The following TNNI3K variants were observed in gnomAD, a reference collection of about 807,000 sequenced individuals.
TNNI3K encodes TNNI3 interacting kinase.
A neutral mutation model predicts 114.5 loss-of-function variants in TNNI3K; 140 were observed. That is an observed-to-expected ratio of 1.22 (90% CI 1.07 to 1.41). The LOEUF is 1.41. TNNI3K is among the 40% of genes most tolerant of loss of function. The pLI, the probability that TNNI3K is intolerant of heterozygous loss-of-function variation, is 0.00. For synonymous variants in TNNI3K, 347 were observed against 347.5 expected, an observed-to-expected ratio of 1.00 and a Z score of 0.02; for missense variants, 1,125 against 1,007.6, an observed-to-expected ratio of 1.12 and a Z score of -1.58.
At chr1:74,417,326 T>C (rs1665166101) in intron 17 of TNNI3K, among the ~76,000 whole-genome samples, 2 of 152,104 alleles carry the variant, frequency 1.3e-5, no homozygotes, top group African/African-American at 4.8e-5. Context: ...TTCATGCTGC[T>C]TCCCGTCAGT....
At chr1:74,471,880 T>C in intron 21 of TNNI3K, 1 of 455,462 alleles carries the variant, frequency 2.2e-6, no homozygotes, top group Non-Finnish European at 3.9e-6. Flanking sequence ...ATCTTCAAAT[T>C]GCTCACAGGG....
At chr1:74,256,033 C>T (rs1483916209) in intron 4 of TNNI3K, among the ~76,000 whole-genome samples, 1 of 152,122 alleles carries the variant, frequency 6.6e-6, no homozygotes, top group East Asian at 1.9e-4. Context: ...GACATTTTCC[C>T]AGATTTTGAC....
intron 21 of TNNI3K, chr1:74,464,577 T>C: frequency 6.8e-7 from 1 of 1,477,218 alleles, no homozygotes. Flanking sequence ...AGAAATAAAA[T>C]AGGCCCCAGT....
At position 74,544,054 on chromosome 1, in the gene TNNI3K, G is replaced by A; in HGVS notation, c.*72G>A. ...GCAACGATTCCAACCACGGCAAGCT[G>A]GCTTCCAACTATAACATTTTACTCT... On this transcript the variant is annotated 3_prime_UTR_variant, in exon 25 of 25. Transcript: ENST00000326637. 1 of 1,528,656 alleles carries A rather than the reference G, an allele frequency of 6.5e-7. No homozygotes were observed. The highest frequency in any genetic ancestry group is 8.9e-7 in the Non-Finnish European group (1 of 1,124,918). The allele number at this position is 1,528,656 out of a possible 1,614,324, so 94.7% of individuals were successfully genotyped here.
intron 5 of TNNI3K, among the ~76,000 whole-genome samples, chr1:74,293,933 C>T (rs1246848670): frequency 6.6e-6 from 1 of 151,664 alleles, no homozygotes; most frequent in South Asian, 2.1e-4. Flanking sequence ...AATATTTTCT[C>T]ATCTATTGAG....
rs199607222 is a variant in TNNI3K, at chr1:74,369,357, T to C, written c.1473-34T>C. 1.5e-3 allele frequency: 2,383 copies of C among 1,606,902 alleles called. 3 individuals carry two copies. The highest frequency in any genetic ancestry group is 1.9e-3 in the Non-Finnish European group (2,248 of 1,176,482). Reference sequence around the variant, plus strand: ...CAAGCCCCTTGTTTGGATCCATCTGTTTACTGAAGATTTTCTGTTGCTGCC... The same window carrying C: ...CAAGCCCCTTGTTTGGATCCATCTGCTTACTGAAGATTTTCTGTTGCTGCC... On this transcript the variant is annotated intron_variant, in intron 15 of 24. Transcript: ENST00000326637.
At chr1:74,460,907 C>A (rs993380751) in intron 20 of TNNI3K, among the ~76,000 whole-genome samples, 2 of 152,194 alleles carry the variant, frequency 1.3e-5, no homozygotes, top group African/African-American at 4.8e-5. Flanking sequence ...AAACAAGTAA[C>A]TCTATATTTT....
intron 4 of TNNI3K, among the ~76,000 whole-genome samples, chr1:74,252,271 T>G (rs1654976671): frequency 6.6e-6 from 1 of 152,208 alleles, no homozygotes; most frequent in Non-Finnish European, 1.5e-5. Context: ...TTTGCTCTAT[T>G]TTTATGTTTT....
At chr1:74,466,242 G>A (rs1667676614) in intron 21 of TNNI3K, among the ~76,000 whole-genome samples, 1 of 152,152 alleles carries the variant, frequency 6.6e-6, no homozygotes, top group African/African-American at 2.4e-5. Flanking sequence ...ACCAATTCTG[G>A]ACACACTATG....
intron 23 of TNNI3K, among the ~76,000 whole-genome samples, chr1:74,522,492 C>A (rs982991720): frequency 2.0e-5 from 3 of 152,070 alleles, no homozygotes; most frequent in African/African-American, 7.2e-5. Flanking sequence ...GTACGAGTTG[C>A]ATGACTAATT....
At chr1:74,254,359 C>A (rs963882225) in intron 4 of TNNI3K, among the ~76,000 whole-genome samples, 10 of 152,082 alleles carry the variant, frequency 6.6e-5, no homozygotes, top group Non-Finnish European at 1.5e-5. Context: ...TCAATTGTCC[C>A]AATTGTGTCA....
At chr1:74,347,502 C>T (rs1010147935) in intron 9 of TNNI3K, among the ~76,000 whole-genome samples, 7 of 152,042 alleles carry the variant, frequency 4.6e-5, no homozygotes, top group Non-Finnish European at 7.4e-5. Flanking sequence ...TTATAATCCT[C>T]TGGGTATATA....
At chr1:74,386,179 G>A (rs1212807903) in intron 17 of TNNI3K, among the ~76,000 whole-genome samples, 1 of 152,166 alleles carries the variant, frequency 6.6e-6, no homozygotes, top group African/African-American at 2.4e-5. Flanking sequence ...GGAACCGTGA[G>A]TCAATTAAAC....
chr1:74,297,522 C>CGTGT (rs10633137), intron 5 of TNNI3K, among the ~76,000 whole-genome samples: 14,006 of 145,274 alleles, frequency 0.096, 1,094 homozygotes, highest in African/African-American at 0.21. Flanking sequence ...TGTGTGTGTG[C>CGTGT]GTGTGTGTGT....
intron 2 of TNNI3K, among the ~76,000 whole-genome samples, chr1:74,249,200 G>C (rs763949063): frequency 4.6e-5 from 7 of 151,468 alleles, no homozygotes; most frequent in Non-Finnish European, 1.0e-4. Flanking sequence ...ACATCTAGTA[G>C]CTGTCAGTGA....
intron 21 of TNNI3K, among the ~76,000 whole-genome samples, chr1:74,482,097 C>A (rs192589829): frequency 6.6e-6 from 1 of 152,174 alleles, no homozygotes; most frequent in African/African-American, 2.4e-5. Context: ...CTGGCCAGTT[C>A]GGCATTTTGT....
chr1:74,355,625 A>G (rs1248959943), intron 11 of TNNI3K, among the ~76,000 whole-genome samples: 5 of 152,026 alleles, frequency 3.3e-5, no homozygotes, highest in African/African-American at 4.8e-5. Flanking sequence ...ATAAATAAAT[A>G]AATAAATGAA....
At chr1:74,471,873 T>G (rs532100777) in intron 21 of TNNI3K, 1 of 455,602 alleles carries the variant, frequency 2.2e-6, no homozygotes, top group Admixed American at 4.1e-5. Context: ...TCATGTAATC[T>G]TCAAATTGCT....
At chr1:74,513,919 G>T (rs1452765648) in intron 23 of TNNI3K, among the ~76,000 whole-genome samples, 1 of 152,160 alleles carries the variant, frequency 6.6e-6, no homozygotes, top group African/African-American at 2.4e-5. Flanking sequence ...GGTGCTGACA[G>T]ACCTTTGTTT....
Sources: allele counts gnomAD v4.1 joint callset (sites outside exome capture counted in the v4.1 genomes callset), GRCh38; gene constraint gnomAD v4.1.1; transcripts MANE v1.5; gene names NCBI Gene and HGNC (gene_info 2026-07-23, HGNC 2026-07-21).